LRRTM4: variants seen among roughly 807,000 people sequenced by gnomAD.
LRRTM4 encodes the protein leucine rich repeat transmembrane neuronal 4, also known as leucine-rich repeat transmembrane neuronal protein 4.
Under a neutral mutation model 47.6 loss-of-function variants are expected in LRRTM4, and 25 were observed. That is an observed-to-expected ratio of 0.53 (90% CI 0.38 to 0.73). The LOEUF (loss-of-function observed/expected upper bound fraction) is 0.73. Ranked by LOEUF, LRRTM4 falls within the 30% of genes least tolerant of loss-of-function variation. The pLI, the probability that LRRTM4 is intolerant of heterozygous loss-of-function variation, is 0.00. For synonymous variants in LRRTM4, 311 were observed against 269.5 expected, an observed-to-expected ratio of 1.15 and a Z score of -1.51; for missense variants, 638 against 713.4, an observed-to-expected ratio of 0.89 and a Z score of 1.20.
intron 3 of LRRTM4, among the ~76,000 whole-genome samples, chr2:77,176,770 T>A (rs1028983983): frequency 6.6e-6 from 1 of 152,174 alleles, no homozygotes; most frequent in African/African-American, 2.4e-5. Context: ...GCTCCTGAGA[T>A]AGGAATCTGG....
intron 3 of LRRTM4, among the ~76,000 whole-genome samples, chr2:77,316,846 T>C (rs919659188): frequency 7.2e-5 from 11 of 152,240 alleles, no homozygotes; most frequent in Non-Finnish European, 1.2e-4. Flanking sequence ...GCACCTTACC[T>C]ATTCTCTTTT....
chr2:76,969,533 G>A (rs1365528603), intron 3 of LRRTM4, among the ~76,000 whole-genome samples: 5 of 151,818 alleles, frequency 3.3e-5, no homozygotes, highest in African/African-American at 1.2e-4. Flanking sequence ...ATTGGAACCT[G>A]TTACTTTCAA....
chr2:77,254,116 A>C (rs1310816543), intron 3 of LRRTM4, among the ~76,000 whole-genome samples: 1 of 152,014 alleles, frequency 6.6e-6, no homozygotes, highest in Non-Finnish European at 1.5e-5. Context: ...CCTATAGATA[A>C]AGTAAGCATC....
chr2:77,062,245 T>A (rs533315694), intron 3 of LRRTM4, among the ~76,000 whole-genome samples: 24 of 152,266 alleles, frequency 1.6e-4, no homozygotes, highest in Admixed American at 1.4e-3. Flanking sequence ...AATTCTAAAA[T>A]CTACCAAAAT....
At chr2:77,324,932 A>G (rs1670701160) in intron 3 of LRRTM4, among the ~76,000 whole-genome samples, 2 of 152,196 alleles carry the variant, frequency 1.3e-5, no homozygotes, top group African/African-American at 4.8e-5. Flanking sequence ...AGGTAGCTGA[A>G]TCAACAATTA....
intron 3 of LRRTM4, among the ~76,000 whole-genome samples, chr2:76,773,304 G>A (rs1053966718): frequency 4.6e-5 from 7 of 152,174 alleles, no homozygotes; most frequent in Non-Finnish European, 1.0e-4. Context: ...CACTAGCTCA[G>A]TCCAGGGCTT....
chr2:76,825,463 A>G (rs1671166853), intron 3 of LRRTM4, among the ~76,000 whole-genome samples: 1 of 151,716 alleles, frequency 6.6e-6, no homozygotes, highest in Non-Finnish European at 1.5e-5. Context: ...ATTTCTAACT[A>G]CTTGACTCGA....
chr2:76,914,139 T>C (rs1674164527), intron 3 of LRRTM4, among the ~76,000 whole-genome samples: 1 of 151,982 alleles, frequency 6.6e-6, no homozygotes, highest in Non-Finnish European at 1.5e-5. Context: ...TTGATCTTTG[T>C]AGTCTATTCA....
intron 3 of LRRTM4, among the ~76,000 whole-genome samples, chr2:77,316,327 T>C (rs895320734): frequency 1.3e-5 from 2 of 152,146 alleles, no homozygotes; most frequent in Non-Finnish European, 2.9e-5. Context: ...ATCTGAGAGA[T>C]TAAATAGGCA....
intron 3 of LRRTM4, among the ~76,000 whole-genome samples, chr2:77,061,935 T>G (rs1198163685): frequency 6.6e-6 from 1 of 152,186 alleles, no homozygotes; most frequent in Non-Finnish European, 1.5e-5. Context: ...AATGAGCCAA[T>G]TAAACAAAAT....
At chr2:77,176,678 ACT>A (rs1286000738) in intron 3 of LRRTM4, among the ~76,000 whole-genome samples, 2 of 151,958 alleles carry the variant, frequency 1.3e-5, no homozygotes, top group Admixed American at 6.6e-5. Flanking sequence ...AAAATAATAA[ACT>A]CTTTTATCTA....
chr2:77,350,675 A>G (rs923906593), intron 3 of LRRTM4, among the ~76,000 whole-genome samples: 1 of 152,170 alleles, frequency 6.6e-6, no homozygotes, highest in Non-Finnish European at 1.5e-5. Context: ...CCTTTATAAT[A>G]TCTACAAAAT....
rs191804581 is a variant in LRRTM4, at chr2:77,253,306, T to C, written c.1551+265012A>G. Among the ~76,000 whole-genome samples the C allele has an allele frequency of 2.3e-3, 344 of 152,250 alleles. 1 individual carries two copies. The highest frequency in any genetic ancestry group is 7.8e-3 in the African/African-American group (326 of 41,546). ...TACTCTTCCCTACTTTTACCTGGGT[T>C]GGACCTAGTAGAGAGTCAGGAATTT... is the stretch of plus-strand genomic sequence containing the variant. On this transcript the variant is annotated intron_variant, in intron 3 of 3. Coordinates refer to ENST00000409884, the MANE Select transcript of LRRTM4 (RefSeq NM_001134745.3).
intron 3 of LRRTM4, among the ~76,000 whole-genome samples, chr2:76,854,502 G>A (rs1672089994): frequency 6.6e-6 from 1 of 152,110 alleles, no homozygotes; most frequent in Non-Finnish European, 1.5e-5. Context: ...GAGTTCTGAG[G>A]TGTGAACATA....
In LRRTM4 at chr2:76,916,392, AAAAAAAAAAAAAAAAG is replaced by A. The variant is rs1183852289; in HGVS notation, c.1552-167492_1552-167477del. On this transcript the variant is annotated intron_variant, in intron 3 of 3. Coordinates refer to ENST00000409884, the MANE Select transcript of LRRTM4 (RefSeq NM_001134745.3). ...AGAGCGAGACTGTGTCTCAAAAAAA[AAAAAAAAAAAAAAAAG>A]AAAAGAAAAAAAATATGTATGGTCA... is the stretch of plus-strand genomic sequence containing the variant. Among the ~76,000 whole-genome samples, 722 of 149,444 alleles carry A rather than the reference AAAAAAAAAAAAAAAAG, an allele frequency of 4.8e-3. 15 individuals are homozygous for A. Among genetic ancestry groups the A allele is most frequent in the African/African-American group, 0.017 (677 of 40,978 alleles).
At chr2:76,927,507 A>T (rs1201535615) in intron 3 of LRRTM4, among the ~76,000 whole-genome samples, 1 of 152,148 alleles carries the variant, frequency 6.6e-6, no homozygotes, top group African/African-American at 2.4e-5. Flanking sequence ...GCTTCCTGGT[A>T]GATGTTGGTT....
chr2:76,997,816 G>A (rs1384154618), intron 3 of LRRTM4, among the ~76,000 whole-genome samples: 3 of 151,984 alleles, frequency 2.0e-5, no homozygotes, highest in Admixed American at 6.6e-5. Context: ...GCTCCCTATA[G>A]CTTGCATTGC....
intron 3 of LRRTM4, among the ~76,000 whole-genome samples, chr2:76,932,062 C>T (rs567089791): frequency 1.3e-5 from 2 of 152,216 alleles, no homozygotes; most frequent in South Asian, 4.2e-4. Flanking sequence ...GTGTTTCTCC[C>T]ATCTTCTGCC....
chr2:77,127,081 C>G (rs116454402), intron 3 of LRRTM4, among the ~76,000 whole-genome samples: 5 of 152,190 alleles, frequency 3.3e-5, no homozygotes, highest in South Asian at 2.1e-4. Flanking sequence ...ATACTGAAAA[C>G]ACTTATGTGA....
Sources: gnomAD v4.1 joint callset for allele counts (sites outside exome capture counted in the v4.1 genomes callset) on GRCh38, gnomAD v4.1.1 for gene constraint, MANE v1.5 for transcripts, NCBI Gene and HGNC (gene_info 2026-07-23, HGNC 2026-07-21) for gene names.